RPH3A: variants seen among roughly 807,000 people sequenced by gnomAD.
RPH3A encodes the protein rabphilin 3A.
Under a neutral mutation model 102.2 loss-of-function variants are expected in RPH3A, and 48 were observed. The observed-to-expected ratio is 0.47, with a 90% CI of 0.37 to 0.60. The LOEUF (loss-of-function observed/expected upper bound fraction) is 0.60. Among genes scored for constraint, RPH3A ranks in the 20% least tolerant of loss-of-function variants. The pLI, the probability that RPH3A is intolerant of heterozygous loss-of-function variation, is 0.00. For synonymous variants in RPH3A, 310 were observed against 324.3 expected (o/e 0.96, Z 0.47); for missense variants, 781 against 910.1 (o/e 0.86, Z 1.83).
intron 4 of RPH3A, among the ~76,000 whole-genome samples, chr12:112,841,167 G>A (rs1387563788): frequency 5.4e-5 from 1 of 18,542 alleles, no homozygotes. Flanking sequence ...ACAAGACCTT[G>A]TTTCTTAAAA....
chr12:112,801,198 G>C (rs2041344466), intron 2 of RPH3A, among the ~76,000 whole-genome samples: 2 of 152,124 alleles, frequency 1.3e-5, no homozygotes, highest in African/African-American at 4.8e-5. Context: ...ATCTGAACCT[G>C]TTGTTCCTGG....
chr12:112,588,457 A>G (rs233725), intron 1 of RPH3A, among the ~76,000 whole-genome samples: 1,890 of 152,326 alleles, frequency 0.012, 41 homozygotes, highest in Non-Finnish European at 0.013. Context: ...CTTATTCACT[A>G]TCATGAAAAT....
At chr12:112,720,891 G>T (rs2040545899) in intron 1 of RPH3A, among the ~76,000 whole-genome samples, 1 of 152,166 alleles carries the variant, frequency 6.6e-6, no homozygotes, top group Admixed American at 6.5e-5. Context: ...TTACAGGAAA[G>T]GATGAAGAAT....
intron 19 of RPH3A, among the ~76,000 whole-genome samples, chr12:112,891,770 T>C (rs528229169): frequency 3.0e-4 from 46 of 152,322 alleles, no homozygotes; most frequent in African/African-American, 1.1e-3. Context: ...GGCCCAGTCA[T>C]TGGCTGGGAG....
In RPH3A at chr12:112,897,127, G is replaced by C; in HGVS notation, c.*347G>C. 1 of 254,038 alleles carries C rather than the reference G, an allele frequency of 3.9e-6. No individual in the cohort carries two copies. Among genetic ancestry groups the C allele is most frequent in the Non-Finnish European group, 7.8e-6 (1 of 128,282 alleles). The allele number at this position is 254,038 out of a possible 1,614,324, so 15.7% of individuals were successfully genotyped here. A position where few individuals can be genotyped will look rare whatever the true frequency, so the allele number is the denominator to read the frequency against. On this transcript the variant is annotated 3_prime_UTR_variant, in exon 22 of 22. Coordinates refer to ENST00000389385, the MANE Select transcript of RPH3A (RefSeq NM_001143854.2). ...TTAGGACTGTTTTTAGACCCTCCTA[G>C]CCTTGAACACACACATGTACACACA... is the stretch of plus-strand genomic sequence containing the variant.
At chr12:112,764,271 G>T (rs1396075055) in intron 1 of RPH3A, among the ~76,000 whole-genome samples, 1 of 152,190 alleles carries the variant, frequency 6.6e-6, no homozygotes, top group Non-Finnish European at 1.5e-5. Flanking sequence ...AAGAATGCAG[G>T]CTCAGAGAAT....
At chr12:112,712,677 G>C (rs778399952) in intron 1 of RPH3A, among the ~76,000 whole-genome samples, 3 of 151,928 alleles carry the variant, frequency 2.0e-5, no homozygotes, top group South Asian at 4.2e-4. Context: ...GTGTGTATGT[G>C]TGTGTGTGTG....
At chr12:112,613,126 C>T (rs981100009) in intron 1 of RPH3A, among the ~76,000 whole-genome samples, 6 of 152,148 alleles carry the variant, frequency 3.9e-5, no homozygotes, top group Admixed American at 1.3e-4. Context: ...TCTAATTATT[C>T]CCACTTCACA....
chr12:112,744,981 G>A (rs112785804), intron 1 of RPH3A, among the ~76,000 whole-genome samples: 2,438 of 152,288 alleles, frequency 0.016, 51 homozygotes, highest in African/African-American at 0.055. Flanking sequence ...TATTTTCAAA[G>A]TGTTTCAACT....
At chr12:112,724,631 A>G (rs543566172) in intron 1 of RPH3A, among the ~76,000 whole-genome samples, 86 of 152,360 alleles carry the variant, frequency 5.6e-4, no homozygotes, top group African/African-American at 2.0e-3. Context: ...CTGTGTTCTC[A>G]GTGCCTAGCA....
Position 112,845,214 on chromosome 12 carries a change from C to A in RPH3A, c.84-2482C>A, listed in dbSNP as rs1350532178. On this transcript the variant is annotated intron_variant, in intron 4 of 21. Coordinates refer to ENST00000389385, the MANE Select transcript of RPH3A (RefSeq NM_001143854.2). ...TGGGGACCATCCTAGAGGCTGGCCA[C>A]CATACTGGTCTTCTTTCCCTCTAGC... 2.0e-5 allele frequency among the ~76,000 whole-genome samples: 3 copies of A among 152,244 alleles called. No homozygotes were observed. The East Asian group carries it at 5.8e-4, about 29-fold the overall frequency.
At chr12:112,729,482 G>C (rs900382061) in intron 1 of RPH3A, among the ~76,000 whole-genome samples, 1 of 151,860 alleles carries the variant, frequency 6.6e-6, no homozygotes, top group Non-Finnish European at 1.5e-5. Context: ...CGCTGCACTC[G>C]GCATACAAAG....
At chr12:112,852,616 C>G (rs1333823246) in intron 5 of RPH3A, among the ~76,000 whole-genome samples, 1 of 152,156 alleles carries the variant, frequency 6.6e-6, no homozygotes, top group Non-Finnish European at 1.5e-5. Context: ...ATTGACCTAG[C>G]TTGCCCTAGA....
At chr12:112,850,934 A>G (rs2042312534) in intron 5 of RPH3A, 1 of 152,128 alleles carries the variant, frequency 6.6e-6, no homozygotes, top group Non-Finnish European at 1.5e-5. Context: ...CTCACACCCT[A>G]TTGCTGGCTG....
At chr12:112,857,314 C>A (rs548600080) in intron 5 of RPH3A, among the ~76,000 whole-genome samples, 1 of 152,276 alleles carries the variant, frequency 6.6e-6, no homozygotes, top group African/African-American at 2.4e-5. Context: ...CCAAAATGTT[C>A]ACATCCCAAT....
chr12:112,761,217 T>C (rs1250001922), intron 1 of RPH3A, among the ~76,000 whole-genome samples: 1 of 152,184 alleles, frequency 6.6e-6, no homozygotes, highest in Non-Finnish European at 1.5e-5. Flanking sequence ...CCAGTTTGGG[T>C]GCTCAAGAAG....
At chr12:112,896,527 A>C in intron 21 of RPH3A, 123 bp from the exon 22 acceptor site, 2 of 1,089,398 alleles carry the variant, frequency 1.8e-6, no homozygotes, top group Non-Finnish European at 2.7e-6. Flanking sequence ...AACTCTCTAT[A>C]GAGTATGGAT....
At chr12:112,734,682 T>C (rs1392597519) in intron 1 of RPH3A, among the ~76,000 whole-genome samples, 1 of 152,214 alleles carries the variant, frequency 6.6e-6, no homozygotes, top group African/African-American at 2.4e-5. Context: ...ATTCGTGAGT[T>C]TTCTGGGAAA....
chr12:112,670,376 T>G (rs560502953), intron 1 of RPH3A, among the ~76,000 whole-genome samples: 2 of 152,118 alleles, frequency 1.3e-5, no homozygotes, highest in African/African-American at 4.8e-5. Context: ...AGAGATGGGA[T>G]TTCAACATTT....
Sources: allele counts gnomAD v4.1 joint callset (sites outside exome capture counted in the v4.1 genomes callset), GRCh38; gene constraint gnomAD v4.1.1; transcripts MANE v1.5; gene names NCBI Gene and HGNC (gene_info 2026-07-23, HGNC 2026-07-21).